Variants in PDZD2 observed in about 807,000 individuals in gnomAD.
PDZD2 encodes PDZ domain-containing protein 2.
PDZD2 carries 90 observed loss-of-function variants against 220.7 expected under a neutral mutation model. The observed-to-expected ratio is 0.41, with a 90% confidence interval of 0.34 to 0.49. The LOEUF (loss-of-function observed/expected upper bound fraction) is 0.49, where lower values mean the gene tolerates loss of function less well. PDZD2 is among the 20% of genes least tolerant of loss of function. PDZD2 has a pLI of 0.28. For missense variants in PDZD2, 3,174 were observed against 3,608.5 expected, an observed-to-expected ratio of 0.88 and a Z score of 3.08; for synonymous variants, 1,375 against 1,450.5, an observed-to-expected ratio of 0.95 and a Z score of 1.18.
At chr5:32,028,894 G>A (rs561595360) in intron 6 of PDZD2, among the ~76,000 whole-genome samples, 6 of 152,120 alleles carry the variant, frequency 3.9e-5, no homozygotes, top group African/African-American at 1.4e-4. Flanking sequence ...GGTTGGCCAG[G>A]CTGGTCTGGA....
At chr5:31,955,822 G>A (rs1427251876) in intron 2 of PDZD2, among the ~76,000 whole-genome samples, 1 of 151,788 alleles carries the variant, frequency 6.6e-6, no homozygotes, top group Admixed American at 6.6e-5. Context: ...CGAAGTTTGG[G>A]TATGTTGGGT....
intron 1 of PDZD2, among the ~76,000 whole-genome samples, chr5:31,667,855 C>CTT (rs561833214): frequency 0.014 from 1,069 of 77,942 alleles, 4 homozygotes; most frequent in East Asian, 0.046. Flanking sequence ...TTTTTTTTTC[C>CTT]TTTTTTTTTT....
chr5:32,040,121 C>T (rs1166487587), intron 7 of PDZD2, among the ~76,000 whole-genome samples: 1 of 149,392 alleles, frequency 6.7e-6, no homozygotes, highest in East Asian at 2.0e-4. Context: ...TGAGGAGCAC[C>T]TCTGCCTGGC....
intron 1 of PDZD2, among the ~76,000 whole-genome samples, chr5:31,647,253 T>C (rs995383059): frequency 6.6e-6 from 1 of 152,220 alleles, no homozygotes; most frequent in East Asian, 1.9e-4. Context: ...GAATGTTCAC[T>C]ATTTGGCAGG....
intron 1 of PDZD2, among the ~76,000 whole-genome samples, chr5:31,681,444 C>T (rs1185957412): frequency 6.6e-6 from 1 of 152,056 alleles, no homozygotes; most frequent in African/African-American, 2.4e-5. Flanking sequence ...GACGAGGTTT[C>T]GCCATGTTGG....
chr5:31,874,855 T>C (rs1189580531), intron 2 of PDZD2, among the ~76,000 whole-genome samples: 1 of 152,096 alleles, frequency 6.6e-6, no homozygotes, highest in Non-Finnish European at 1.5e-5. Flanking sequence ...TTTTGTCATA[T>C]TTGCTTTTAG....
At chr5:31,806,896 C>T (rs1023229249) in intron 2 of PDZD2, among the ~76,000 whole-genome samples, 6 of 150,658 alleles carry the variant, frequency 4.0e-5, no homozygotes, top group African/African-American at 7.3e-5. Context: ...TCGCTTAAAA[C>T]GCATTTTTGC....
At chr5:31,843,111 C>A (rs1757408533) in intron 2 of PDZD2, among the ~76,000 whole-genome samples, 1 of 152,066 alleles carries the variant, frequency 6.6e-6, no homozygotes, top group South Asian at 2.1e-4. Flanking sequence ...GAACTCCTGA[C>A]CTCAGGTGAT....
chr5:32,100,814 T>C (rs1744184707), intron 23 of PDZD2: 1 of 1,253,994 alleles, frequency 8.0e-7, no homozygotes, highest in Non-Finnish European at 1.1e-6. Context: ...GCACTTTGCT[T>C]TCTGGGGATT....
In PDZD2 at chr5:31,697,368, C is replaced by T. The variant is rs374397655; in HGVS notation, c.-361+57931C>T. On this transcript the variant is annotated intron_variant, in intron 1 of 24. Transcript: ENST00000438447. ...ATTCCAGCTACTCAGAAGGCTTAGGCATGAGAATCACTTGAACCCTGGAAG... is the reference window on the plus strand; with the variant it reads ...ATTCCAGCTACTCAGAAGGCTTAGGTATGAGAATCACTTGAACCCTGGAAG... Among the ~76,000 whole-genome samples the T allele has an allele frequency of 9.2e-5, 14 of 152,278 alleles. 2 individuals carry two copies. The highest frequency in any genetic ancestry group is 3.4e-4 in the African/African-American group (14 of 41,556).
At chr5:32,027,426 A>C (rs540380745) in intron 6 of PDZD2, among the ~76,000 whole-genome samples, 45 of 152,294 alleles carry the variant, frequency 3.0e-4, no homozygotes, top group African/African-American at 1.1e-3. Context: ...AGCCCATTCA[A>C]ATTGTTTGGG....
At chr5:32,038,583 G>A (rs1755751896) in intron 7 of PDZD2, among the ~76,000 whole-genome samples, 1 of 152,090 alleles carries the variant, frequency 6.6e-6, no homozygotes, top group South Asian at 2.1e-4. Context: ...ATTCATTAGT[G>A]TCTATTCATT....
chr5:31,649,971 C>G (rs1745290029), intron 1 of PDZD2, among the ~76,000 whole-genome samples: 1 of 141,578 alleles, frequency 7.1e-6, no homozygotes. Flanking sequence ...AAAATTAAGT[C>G]TCAGGGCAAA....
rs752816902 is a variant in PDZD2, at chr5:32,097,373, C to T, written c.7940C>T (p.Ser2647Leu). 6.3e-7 allele frequency: 1 copy of T among 1,598,030 alleles called. No individual in the cohort carries two copies. The highest frequency in any genetic ancestry group is 8.6e-7 in the Non-Finnish European group (1 of 1,165,320). ...GGAGGGACAGATGTGGAGCCAAAAT[C>T]AATCACGGTAAGTGACAGAGTCATT... ...VAGGTDVEPK[S>L]ITVHRVFSQG... Residue 2647 changes from serine (S) to leucine (L), a missense_variant, in exon 22 of 25, where the codon TCA (serine) becomes TTA (leucine). Around this residue, in one of 4 missense-constraint regions of PDZD2, gnomAD observed 631 missense variants for 789.9 expected, o/e 0.80. Transcript: ENST00000438447.
At chr5:32,069,698 T>C (rs770392746) in intron 15 of PDZD2, 48 bp downstream of exon 15, 1 of 964,970 alleles carries the variant, frequency 1.0e-6, no homozygotes, top group South Asian at 1.3e-5. Context: ...AGTTTCTCAT[T>C]AAGTTCACCC....
At position 31,750,287 on chromosome 5, in the gene PDZD2, A is replaced by G. The variant is rs145488603; in HGVS notation, c.-360-48602A>G. ...GCCTTTGGAGCCCATTGTGTCCCCC[A>G]GCTCCCTCTTGCCTGCTTCAGCTCC... is the stretch of plus-strand genomic sequence containing the variant. On this transcript the variant is annotated intron_variant, in intron 1 of 24. Transcript: ENST00000438447. Among the ~76,000 whole-genome samples, 692 of 152,194 alleles carry G rather than the reference A, an allele frequency of 4.5e-3. 5 individuals carry two copies. The highest frequency in any genetic ancestry group is 0.015 in the African/African-American group (630 of 41,544).
chr5:31,815,377 A>G (rs1755382648), intron 2 of PDZD2, among the ~76,000 whole-genome samples: 1 of 152,096 alleles, frequency 6.6e-6, no homozygotes, highest in Non-Finnish European at 1.5e-5. Context: ...CCTGTATAGA[A>G]TGTAGATTTT....
chr5:31,665,741 C>G (rs1055884894), intron 1 of PDZD2, among the ~76,000 whole-genome samples: 7 of 151,414 alleles, frequency 4.6e-5, no homozygotes, highest in Non-Finnish European at 1.0e-4. Context: ...CCCAGCCACG[C>G]GGAACTGTGA....
At chr5:31,819,683 A>G (rs920975104) in intron 2 of PDZD2, among the ~76,000 whole-genome samples, 1 of 147,854 alleles carries the variant, frequency 6.8e-6, no homozygotes, top group Admixed American at 6.8e-5. Context: ...AGAATTCTGC[A>G]ATACATTTTA....
Sources: allele counts gnomAD v4.1 joint callset (sites outside exome capture counted in the v4.1 genomes callset), GRCh38; gene constraint gnomAD v4.1.1; regional missense constraint gnomAD v4.1.1; transcripts MANE v1.5; gene names NCBI Gene and HGNC (gene_info 2026-07-23, HGNC 2026-07-21).